The following MCC variants were observed in gnomAD, a reference collection of about 807,000 sequenced individuals.
MCC encodes the protein MCC regulator of Wnt signaling pathway.
MCC carries 90 observed loss-of-function variants against 116.2 expected under a neutral mutation model. That is an observed-to-expected ratio of 0.77 (90% confidence interval 0.65 to 0.92). MCC has a LOEUF of 0.92. Among genes scored for constraint, MCC ranks in the 40% least tolerant of loss-of-function variants. The pLI is 0.00. For synonymous variants in MCC, 578 were observed against 510.5 expected (o/e 1.13, Z -1.78); for missense variants, 1,516 against 1,312.2 (o/e 1.16, Z -2.40).
At chr5:113,396,736 G>A (rs1769535175) in intron 1 of MCC, among the ~76,000 whole-genome samples, 1 of 152,154 alleles carries the variant, frequency 6.6e-6, no homozygotes, top group Non-Finnish European at 1.5e-5. Context: ...GCTCCCCAAG[G>A]ATGGAGAATT....
At chr5:113,028,380 ATTTT>A (rs67842639) in intron 18 of MCC, among the ~76,000 whole-genome samples, 1 of 150,340 alleles carries the variant, frequency 6.7e-6, no homozygotes, top group Non-Finnish European at 1.5e-5. Flanking sequence ...TAAAAATGCC[ATTTT>A]TTTTTTTGTA....
At chr5:113,128,051 G>A (rs1370955436) in intron 5 of MCC, among the ~76,000 whole-genome samples, 1 of 152,210 alleles carries the variant, frequency 6.6e-6, no homozygotes, top group East Asian at 1.9e-4. Context: ...TTATTGGTTA[G>A]GGGTAAAATA....
chr5:113,374,533 G>A (rs1279030855), intron 2 of MCC, among the ~76,000 whole-genome samples: 6 of 152,144 alleles, frequency 3.9e-5, no homozygotes, highest in African/African-American at 1.4e-4. Context: ...GGGACAGACC[G>A]ACTTACGCCC....
At chr5:113,031,167 G>A (rs1300225916) in intron 17 of MCC, among the ~76,000 whole-genome samples, 7 of 152,212 alleles carry the variant, frequency 4.6e-5, no homozygotes, top group African/African-American at 1.7e-4. Context: ...TTTTGGGAGA[G>A]AGGATGGAAG....
At chr5:113,084,515 A>G (rs1374803971) in intron 9 of MCC, among the ~76,000 whole-genome samples, 2 of 152,246 alleles carry the variant, frequency 1.3e-5, no homozygotes, top group Admixed American at 1.3e-4. Context: ...AGACATTGCC[A>G]AATGTCCCCT....
At chr5:113,298,718 A>G (rs777480735) in intron 3 of MCC, among the ~76,000 whole-genome samples, 1 of 152,182 alleles carries the variant, frequency 6.6e-6, no homozygotes, top group Non-Finnish European at 1.5e-5. Flanking sequence ...ACTTCTTCCT[A>G]GGAGAACAGA....
chr5:113,038,227 T>C (rs564683397), intron 17 of MCC, among the ~76,000 whole-genome samples: 1 of 152,274 alleles, frequency 6.6e-6, no homozygotes, highest in Non-Finnish European at 1.5e-5. Flanking sequence ...TTGGATGTGC[T>C]GTTTTGAGGC....
At chr5:113,316,208 A>G (rs1767275453) in intron 3 of MCC, among the ~76,000 whole-genome samples, 1 of 151,466 alleles carries the variant, frequency 6.6e-6, no homozygotes, top group African/African-American at 2.4e-5. Context: ...GTGAGCTGAG[A>G]TCATGCCACT....
intron 11 of MCC, among the ~76,000 whole-genome samples, chr5:113,081,208 G>A (rs1487433467): frequency 6.6e-6 from 1 of 152,178 alleles, no homozygotes; most frequent in Non-Finnish European, 1.5e-5. Flanking sequence ...CCAGGTTCCC[G>A]CAGCAGCTAG....
intron 3 of MCC, among the ~76,000 whole-genome samples, chr5:113,243,307 G>T (rs926180827): frequency 2.0e-5 from 3 of 152,126 alleles, no homozygotes; most frequent in African/African-American, 7.2e-5. Flanking sequence ...TTTATTAAAA[G>T]AAACAATTAC....
Position 113,488,351 on chromosome 5 carries a change from TGCCGCC to T in MCC, c.58_63del (p.Gly20_Gly21del), listed in dbSNP as rs35336557. 5.5e-6 allele frequency: 8 copies of T among 1,455,504 alleles called. No homozygotes were observed. The highest frequency in any genetic ancestry group is 4.4e-5 in the Admixed American group (2 of 45,376). The allele number at this position is 1,455,504 out of a possible 1,614,324, so 90.2% of individuals were successfully genotyped here. On this transcript the variant is annotated inframe_deletion, in exon 1 of 19. Coordinates refer to ENST00000408903, the MANE Select transcript of MCC (RefSeq NM_001085377.2). ...TCGCTGCTGCTGCTGCTGCTGCCGC[TGCCGCC>T]GCCGCCGCCGCCGCTGCTGGAGCTC...
intron 3 of MCC, among the ~76,000 whole-genome samples, chr5:113,209,723 T>A (rs1287372640): frequency 6.6e-6 from 1 of 152,204 alleles, no homozygotes; most frequent in Non-Finnish European, 1.5e-5. Flanking sequence ...TGTCAGTGGG[T>A]CAGGAGCCTT....
At chr5:113,180,611 C>T (rs1761577825) in intron 3 of MCC, among the ~76,000 whole-genome samples, 1 of 152,122 alleles carries the variant, frequency 6.6e-6, no homozygotes, top group Admixed American at 6.5e-5. Flanking sequence ...TGCTTACTGA[C>T]ATGAGAGAAG....
chr5:113,431,134 G>A lies in MCC; in HGVS notation c.171-45922C>T, dbSNP rs143514525. The stretch of plus-strand genomic sequence containing the variant: ...AGGAAGGGGAGGAGCTTGAGGTAGT[G>A]AAAGGATTGGAGGAGTTTTCCAGTG... On this transcript the variant is annotated intron_variant, in intron 1 of 18. Coordinates refer to ENST00000408903, the MANE Select transcript of MCC (RefSeq NM_001085377.2). 1.1e-3 allele frequency among the ~76,000 whole-genome samples: 171 copies of A among 152,242 alleles called. 1 individual carries two copies. Among genetic ancestry groups the A allele is most frequent in the African/African-American group, 3.6e-3 (151 of 41,548 alleles).
rs568931744 is a variant in MCC, at chr5:113,044,612, T to A, written c.2656-982A>T. The A allele has an allele frequency of 1.6e-5, 5 of 317,098 alleles. No homozygotes were observed. The South Asian group carries it at 6.3e-4, about 40-fold the overall frequency. The allele number at this position is 317,098 out of a possible 1,614,324, so 19.6% of individuals were successfully genotyped here. Reference sequence around the variant, plus strand: ...TTTTTGAGATGGAGTTTTGCTCTCGTTGCCCAGGCTGGAGTGCAATGGCGT... The same window carrying A: ...TTTTTGAGATGGAGTTTTGCTCTCGATGCCCAGGCTGGAGTGCAATGGCGT... On this transcript the variant is annotated intron_variant, in intron 16 of 18. Transcript: ENST00000408903.
At chr5:113,073,675 T>G (rs1754206963) in intron 11 of MCC, among the ~76,000 whole-genome samples, 1 of 151,870 alleles carries the variant, frequency 6.6e-6, no homozygotes, top group Non-Finnish European at 1.5e-5. Flanking sequence ...TTTTTTCTTT[T>G]AAATCCATCT....
chr5:113,265,343 TCTC>T (rs1765381905), intron 3 of MCC, among the ~76,000 whole-genome samples: 1 of 152,102 alleles, frequency 6.6e-6, no homozygotes, highest in Non-Finnish European at 1.5e-5. Flanking sequence ...AACAAATGCT[TCTC>T]CTTCTAGTTC....
chr5:113,060,650 T>C (rs74569381), intron 14 of MCC, among the ~76,000 whole-genome samples: 7,403 of 152,260 alleles, frequency 0.049, 493 homozygotes, highest in African/African-American at 0.15. Context: ...TACAGTTCTT[T>C]TGAAATCAAG....
At chr5:113,065,759 T>C (rs2150230773) in intron 13 of MCC, among the ~76,000 whole-genome samples, 1 of 152,340 alleles carries the variant, frequency 6.6e-6, no homozygotes, top group South Asian at 2.1e-4. Context: ...ACAAATGAGT[T>C]CCTGCTTTGC....
Sources: gnomAD v4.1 joint callset for allele counts (sites outside exome capture counted in the v4.1 genomes callset) on GRCh38, gnomAD v4.1.1 for gene constraint, MANE v1.5 for transcripts, NCBI Gene and HGNC (gene_info 2026-07-23, HGNC 2026-07-21) for gene names.